The following GTPBP1 variants were observed in gnomAD, a reference collection of about 807,000 sequenced individuals.
GTPBP1 encodes the protein GTP binding protein 1.
Under a neutral mutation model 62.0 loss-of-function variants are expected in GTPBP1, and 23 were observed. The ratio of observed to expected loss-of-function variants is 0.37; its 90% CI spans 0.27 to 0.53. The LOEUF (loss-of-function observed/expected upper bound fraction) is 0.53, where lower values mean the gene tolerates loss of function less well. Among genes scored for constraint, GTPBP1 ranks in the 20% least tolerant of loss-of-function variants. The pLI is 0.89. For missense variants in GTPBP1, 640 were observed against 917.3 expected (o/e 0.70, Z 3.90); for synonymous variants, 344 against 364.4 (o/e 0.94, Z 0.64).
chr22:38,740,279 G>A (rs763054336), downstream of GTPBP1: 43 of 1,593,966 alleles, frequency 2.7e-5, no homozygotes, highest in Middle Eastern at 1.5e-3. The surrounding 1 kb of genome is among the most constrained non-coding windows in gnomAD (Gnocchi z 4.8). Flanking sequence ...CGTCCCGCAC[G>A]GCCTGGATCT....
At chr22:38,723,407 G>A in intron 5 of GTPBP1, 1 of 1,035,938 alleles carries the variant, frequency 9.7e-7, no homozygotes, top group Non-Finnish European at 1.5e-6. Flanking sequence ...TCCAGAAGCA[G>A]CAAGCTTGAG....
chr22:38,738,068 C>T, downstream of GTPBP1: 3 of 993,206 alleles, frequency 3.0e-6, no homozygotes, highest in Non-Finnish European at 4.9e-6. The surrounding 1 kb of genome is among the most constrained non-coding windows in gnomAD (Gnocchi z 6.6). Context: ...GAGAGCAGGG[C>T]TTCCCTCTCT....
In GTPBP1 at chr22:38,731,010, T is replaced by TTTGTG. The variant is rs1556001665; in HGVS notation, c.*307_*308insTGTGT. ...TATTATATGTCTCTGTCTCTCTCTATTGTGTGTGTGTGTGTGTGTGTGTGT... is the reference window on the plus strand; with the variant it reads ...TATTATATGTCTCTGTCTCTCTCTATTTGTGTGTGTGTGTGTGTGTGTGTGTGTGT... On this transcript the variant is annotated 3_prime_UTR_variant, in exon 12 of 12. Transcript: ENST00000216044. The TTTGTG allele has an allele frequency of 9.8e-5, 18 of 183,766 alleles. No individual in the cohort carries two copies. The highest frequency in any genetic ancestry group is 3.8e-4 in the African/African-American group (14 of 37,082). 11.4% of individuals were successfully genotyped at this position (183,766 alleles called of 1,614,324 possible).
intron 5 of GTPBP1, among the ~76,000 whole-genome samples, chr22:38,723,752 C>G (rs560216101): frequency 6.6e-6 from 1 of 152,158 alleles, no homozygotes; most frequent in African/African-American, 2.4e-5. Context: ...TGGATATATA[C>G]GGGGAAGTTT....
chr22:38,727,387 T>C lies in GTPBP1; in HGVS notation c.1537+39T>C, dbSNP rs2092732556. ...GCCCTGCCAGCCCAGGAGGCCGTCGTGTTAGCTCCCCTCAGAAGGTGTTCC... is the reference window on the plus strand; with the variant it reads ...GCCCTGCCAGCCCAGGAGGCCGTCGCGTTAGCTCCCCTCAGAAGGTGTTCC... On this transcript the variant is annotated intron_variant, in intron 9 of 11. Coordinates refer to ENST00000216044, the MANE Select transcript of GTPBP1 (RefSeq NM_004286.5). This position sits in a 1 kb window ranked among gnomAD's most constrained non-coding sequence, Gnocchi z 6.5. The C allele has an allele frequency of 2.0e-6, 3 of 1,492,374 alleles. No individual in the cohort carries two copies. The highest frequency in any genetic ancestry group is 1.8e-6 in the Non-Finnish European group (2 of 1,116,920). The allele number at this position is 1,492,374 out of a possible 1,614,324, so 92.4% of individuals were successfully genotyped here. A position where few individuals can be genotyped will look rare whatever the true frequency, so the allele number is the denominator to read the frequency against.
intron 2 of GTPBP1, among the ~76,000 whole-genome samples, chr22:38,709,451 G>T (rs952488566): frequency 6.6e-6 from 1 of 152,130 alleles, no homozygotes; most frequent in Non-Finnish European, 1.5e-5. Context: ...GCCATAATAT[G>T]CTTGACTTTC....
Position 38,727,114 on chromosome 22 carries a change from G to GC in GTPBP1, c.1402-99_1402-98insC. On this transcript the variant is annotated intron_variant, in intron 8 of 11. Coordinates refer to ENST00000216044, the MANE Select transcript of GTPBP1 (RefSeq NM_004286.5). The surrounding 1 kb of genome is among the most constrained non-coding windows in gnomAD (Gnocchi z 6.5). ...GGTGAGGAAACCAGGCAGAGTTGGG[G>GC]TGGTCCCTATCCCTAGAAAGACTCT... The GC allele has an allele frequency of 8.4e-7, 1 of 1,189,862 alleles. No homozygotes were observed. The highest frequency in any genetic ancestry group is 1.2e-6 in the Non-Finnish European group (1 of 865,010). 73.7% of individuals were successfully genotyped at this position (1,189,862 alleles called of 1,614,324 possible).
At chr22:38,717,166 C>A (rs975607870) in intron 4 of GTPBP1, among the ~76,000 whole-genome samples, 166 bp downstream of exon 4, 1 of 152,156 alleles carries the variant, frequency 6.6e-6, no homozygotes, top group African/African-American at 2.4e-5. Context: ...GAGTAATGGT[C>A]TTCTCAAGGC....
At position 38,723,498 on chromosome 22, in the gene GTPBP1, C is replaced by A; in HGVS notation, c.959-799C>A. 6.8e-6 allele frequency: 5 copies of A among 735,496 alleles called. No individual in the cohort carries two copies. The South Asian group carries it at 8.0e-5, about 12-fold the overall frequency. The allele number at this position is 735,496 out of a possible 1,614,324, so 45.6% of individuals were successfully genotyped here. A position where few individuals can be genotyped will look rare whatever the true frequency, so the allele number is the denominator to read the frequency against. On this transcript the variant is annotated intron_variant, in intron 5 of 11. Coordinates refer to ENST00000216044, the MANE Select transcript of GTPBP1 (RefSeq NM_004286.5). ...GCTCAGAGTAGCCTTCCCACAGCAG[C>A]TACCATCTTCAGTGCACGCGGGCGA...
At position 38,726,923 on chromosome 22, in the gene GTPBP1, CT is replaced by C. The variant is rs1185000552; in HGVS notation, c.1402-289del. Among the ~76,000 whole-genome samples, 6 of 152,186 alleles carry C rather than the reference CT, an allele frequency of 3.9e-5. No homozygotes were observed. The highest frequency in any genetic ancestry group is 8.8e-5 in the Non-Finnish European group (6 of 68,028). On this transcript the variant is annotated intron_variant, in intron 8 of 11. Transcript: ENST00000216044. The surrounding 1 kb of genome is among the most constrained non-coding windows in gnomAD (Gnocchi z 4.1). ...AGGTCATGCCCACCTGTTGTTCCCC[CT>C]GAATGCTTGCCTGCCTTTGCTTCCT...
At chr22:38,736,312 G>A (rs1569292511), downstream of GTPBP1, 3 of 1,614,084 alleles carry the variant, frequency 1.9e-6, no homozygotes, top group East Asian at 2.2e-5. Context: ...AGATGCAGGT[G>A]TACTCGGGGT....
chr22:38,740,158 G>C, downstream of GTPBP1: 2 of 1,374,524 alleles, frequency 1.5e-6, no homozygotes, highest in South Asian at 3.0e-5. The surrounding 1 kb of genome is among the most constrained non-coding windows in gnomAD (Gnocchi z 4.8). Context: ...CAGTCTCTTG[G>C]GCATAACAGA....
intron 6 of GTPBP1, 127 bp downstream of exon 6, chr22:38,724,538 C>G (rs554415244): frequency 3.2e-6 from 2 of 620,978 alleles, no homozygotes; most frequent in Admixed American, 2.6e-5. Context: ...AACACCTCTC[C>G]CTATTCAGAG....
chr22:38,739,135 G>T (rs1484198096), downstream of GTPBP1: 1 of 949,142 alleles, frequency 1.1e-6, no homozygotes, highest in Non-Finnish European at 1.6e-6. The surrounding 1 kb of genome is among the most constrained non-coding windows in gnomAD (Gnocchi z 6.7). Flanking sequence ...CAGCTTTAAA[G>T]GTCAGCCTCT....
chr22:38,741,395 C>A, downstream of GTPBP1: 1 of 1,268,672 alleles, frequency 7.9e-7, no homozygotes, highest in South Asian at 1.2e-5. Context: ...CCATGCAACA[C>A]CCAAACAGTC....
intron 5 of GTPBP1, chr22:38,722,933 T>C: frequency 1.3e-5 from 13 of 978,322 alleles, no homozygotes; most frequent in African/African-American, 3.2e-5. Flanking sequence ...GCTTGATGAC[T>C]CCATTGGGGT....
downstream of GTPBP1, chr22:38,736,344 G>A (rs370298150): frequency 1.4e-5 from 22 of 1,613,942 alleles, no homozygotes; most frequent in East Asian, 4.5e-5. Context: ...GTCAGGATCC[G>A]CAGCTCCACC....
At chr22:38,742,404 C>T (rs913212748), downstream of GTPBP1, 9 of 1,613,216 alleles carry the variant, frequency 5.6e-6, no homozygotes, top group Non-Finnish European at 7.6e-6. Context: ...GTGGCTCAGG[C>T]CACCACCACC....
rs2092725520 is a variant in GTPBP1 at position 38,726,146 on chromosome 22, T to A, written c.1214T>A (p.Val405Asp). 1 of 1,611,772 alleles carries A rather than the reference T, an allele frequency of 6.2e-7. No homozygotes were observed. The highest frequency in any genetic ancestry group is 8.5e-7 in the Non-Finnish European group (1 of 1,178,172). Residue 405 changes from valine to aspartate, a missense_variant, in exon 7 of 12, where the codon GTC becomes GAC. Physicochemically the swap from Val to Asp is radical, Grantham distance 152 (BLOSUM62 -3). Transcript: ENST00000216044. This position sits in a 1 kb window ranked among gnomAD's most constrained non-coding sequence, Gnocchi z 4.1. ...TTTCAGATTGATGACACCTACTCCG[T>A]CCCGGTAAGTGGCTCTGGGCGGGTA... is the stretch of plus-strand genomic sequence containing the variant. ...AEFQIDDTYS[V>D]PGVGTVVSGT...
Sources: gnomAD v4.1 joint callset for allele counts (sites outside exome capture counted in the v4.1 genomes callset) on GRCh38, gnomAD v4.1.1 for gene constraint, Gnocchi (gnomAD v3.1) non-coding constraint, MANE v1.5 for transcripts, NCBI Gene and HGNC (gene_info 2026-07-23, HGNC 2026-07-21) for gene names.